The following GPI variants were observed in gnomAD, a reference collection of about 807,000 sequenced individuals.
GPI encodes D-hexose-6-phosphate anomerase.
Under a neutral mutation model 75.8 loss-of-function variants are expected in GPI, and 56 were observed. The ratio of observed to expected loss-of-function variants is 0.74; its 90% confidence interval spans 0.60 to 0.92. GPI has a LOEUF of 0.92. Ranked by LOEUF, GPI falls within the 40% of genes least tolerant of loss-of-function variation. The pLI is 0.00. For synonymous variants in GPI, 288 were observed against 285.4 expected (o/e 1.01, Z -0.09); for missense variants, 638 against 741.0 (o/e 0.86, Z 1.61).
At chr19:34,391,227 A>G (rs1036689175) in intron 9 of GPI, among the ~76,000 whole-genome samples, 2 of 154 alleles carry the variant, frequency 0.013, no homozygotes, top group African/African-American at 0.02. Flanking sequence ...ATCTGTGTCC[A>G]TCAGTATCTG....
chr19:34,368,212 C>T (rs554243802), intron 3 of GPI, among the ~76,000 whole-genome samples: 5 of 152,344 alleles, frequency 3.3e-5, no homozygotes, highest in East Asian at 3.9e-4. Context: ...TGAGCCATGG[C>T]GCCCGGCCTC....
chr19:34,376,377 G>A (rs577291358), intron 4 of GPI, among the ~76,000 whole-genome samples: 3 of 151,864 alleles, frequency 2.0e-5, no homozygotes, highest in South Asian at 2.1e-4. Flanking sequence ...CCAACACGGC[G>A]AAACCCCATC....
intron 4 of GPI, among the ~76,000 whole-genome samples, chr19:34,368,978 C>T (rs2074409315): frequency 6.6e-6 from 1 of 152,108 alleles, no homozygotes; most frequent in Non-Finnish European, 1.5e-5. Context: ...GGTGACAAAC[C>T]ACAGAGGCTT....
chr19:34,401,446 C>T lies in GPI; in HGVS notation c.*1410C>T, dbSNP rs2075021363. On this transcript the variant is annotated 3_prime_UTR_variant, in exon 18 of 18. Transcript: ENST00000356487. Reference sequence around the variant, plus strand: ...CTGTGTTAGTCAGGATGGTCTCGATCTCCTGACCTCGTGATCCGCCCGCCT... The same window carrying T: ...CTGTGTTAGTCAGGATGGTCTCGATTTCCTGACCTCGTGATCCGCCCGCCT... The T allele has an allele frequency of 1.3e-5, 2 of 152,174 alleles. No individual in the cohort carries two copies. The highest frequency in any genetic ancestry group is 6.5e-5 in the Admixed American group (1 of 15,270). The allele number at this position is 152,174 out of a possible 1,614,324, so 9.4% of individuals were successfully genotyped here.
intron 9 of GPI, among the ~76,000 whole-genome samples, chr19:34,385,748 C>T (rs1225228885): frequency 6.6e-6 from 1 of 151,472 alleles, no homozygotes; most frequent in Non-Finnish European, 1.5e-5. Flanking sequence ...CAGGAACCCT[C>T]ATCACATGCA....
Position 34,400,856 on chromosome 19 carries a change from C to G in GPI, c.*820C>G, listed in dbSNP as rs1210513425. ...TCTCCTGCCTCAGCCTCCCGAGTAG[C>G]TGGGATTACACGGCGCACACCACCA... On this transcript the variant is annotated 3_prime_UTR_variant, in exon 18 of 18. Transcript: ENST00000356487. 8.8e-6 allele frequency: 3 copies of G among 341,494 alleles called. No homozygotes were observed. Among genetic ancestry groups the G allele is most frequent in the Non-Finnish European group, 1.6e-5 (3 of 190,712 alleles). 21.2% of individuals were successfully genotyped at this position (341,494 alleles called of 1,614,324 possible).
At position 34,402,250 on chromosome 19, in the gene GPI, T is replaced by G. The variant is rs1423935316; in HGVS notation, c.*2214T>G. 6.6e-6 allele frequency: 1 copy of G among 152,230 alleles called. No homozygotes were observed. The highest frequency in any genetic ancestry group is 1.5e-5 in the Non-Finnish European group (1 of 68,042). The allele number at this position is 152,230 out of a possible 1,614,324, so 9.4% of individuals were successfully genotyped here. A position where few individuals can be genotyped will look rare whatever the true frequency, so the allele number is the denominator to read the frequency against. ...ACAAAGGAGCATTCACTTCAGCCTC[T>G]GACTGGTGGCAGGCCAAGTCTTTAT... On this transcript the variant is annotated 3_prime_UTR_variant, in exon 18 of 18. Coordinates refer to ENST00000356487, the MANE Select transcript of GPI (RefSeq NM_000175.5).
Position 34,401,985 on chromosome 19 carries a change from A to G in GPI, c.*1949A>G, listed in dbSNP as rs1388759022. ...CCACCACACCCGGCTAATTTTTTGT[A>G]TTTTTAGTAGAGACGGGGTTTCACC... On this transcript the variant is annotated 3_prime_UTR_variant, in exon 18 of 18. Coordinates refer to ENST00000356487, the MANE Select transcript of GPI (RefSeq NM_000175.5). The G allele has an allele frequency of 6.6e-6, 1 of 151,146 alleles. No homozygotes were observed. The highest frequency in any genetic ancestry group is 1.5e-5 in the Non-Finnish European group (1 of 67,766). The allele number at this position is 151,146 out of a possible 1,614,324, so 9.4% of individuals were successfully genotyped here.
At chr19:34,378,121 G>A (rs1212496615) in intron 6 of GPI, among the ~76,000 whole-genome samples, 3 of 152,196 alleles carry the variant, frequency 2.0e-5, no homozygotes, top group Admixed American at 6.5e-5. Flanking sequence ...ACACCCGCTC[G>A]CCTTGCGGCA....
chr19:34,377,378 A>T (rs2074562496), intron 4 of GPI, 125 bp from the exon 5 acceptor site: 2 of 551,886 alleles, frequency 3.6e-6, no homozygotes, highest in Non-Finnish European at 6.6e-6. Context: ...AAAACAAAAA[A>T]ATAGAGGCAC....
chr19:34,375,108 A>G (rs1347254438), intron 4 of GPI, among the ~76,000 whole-genome samples: 1 of 151,582 alleles, frequency 6.6e-6, no homozygotes, highest in Non-Finnish European at 1.5e-5. Context: ...ATTGTATAAC[A>G]AATGACATCA....
Position 34,399,978 on chromosome 19 carries a change from C to T in GPI, c.1619C>T (p.Ala540Val). ...AGTGCTCAAGTGACCTCTCACGACG[C>T]TTCTACCAATGGGCTCATCAACTTC... is the stretch of plus-strand genomic sequence containing the variant. ...DGSAQVTSHD[A>V]STNGLINFIK... The change falls in exon 18 of 18, where the codon GCT becomes GTT. Residue 540 changes from alanine (A) to valine (V), a missense_variant. By Grantham distance (64) the Ala-to-Val change is moderately conservative. Transcript: ENST00000356487. 6.2e-7 allele frequency: 1 copy of T among 1,613,934 alleles called. No individual in the cohort carries two copies.
chr19:34,365,249 G>A lies in GPI; in HGVS notation c.-18G>A, dbSNP rs1229378219. ...CTCCTCGGCTCGCGTCTCACTCAGT[G>A]TACCTTCTAGTCCCGCCATGGCCGC... On this transcript the variant is annotated 5_prime_UTR_variant, in exon 1 of 18. Transcript: ENST00000356487. 1 of 1,551,180 alleles carries A rather than the reference G, an allele frequency of 6.4e-7. No homozygotes were observed. Among genetic ancestry groups the A allele is most frequent in the Middle Eastern group, 1.7e-4 (1 of 5,828 alleles).
Position 34,377,502 on chromosome 19 carries a change from GC to G in GPI, c.403del (p.Arg135ValfsTer33). On this transcript the variant is annotated frameshift_variant and splice_region_variant, in exon 5 of 18. Transcript: ENST00000356487. LOFTEE classifies it high-confidence loss of function. ...VLDKMKSFCQ[R>X]VRSGDWKGYT... ...TGATGGCATCTTCGCCCCTGTGCCA[GC>G]GTGTCCGGAGCGGTGACTGGAAGGG... 1 of 1,610,544 alleles carries G rather than the reference GC, an allele frequency of 6.2e-7. No homozygotes were observed. The highest frequency in any genetic ancestry group is 8.5e-7 in the Non-Finnish European group (1 of 1,177,284).
chr19:34,377,336 A>AAAAAAAAT (rs2074558981), intron 4 of GPI, among the ~76,000 whole-genome samples, 167 bp from the exon 5 acceptor site: 4 of 49,322 alleles, frequency 8.1e-5, no homozygotes, highest in African/African-American at 1.2e-4. Flanking sequence ...AAAAAAAAAA[A>AAAAAAAAT]ATATATATAT....
upstream of GPI, among the ~76,000 whole-genome samples, chr19:34,361,551 G>T (rs1380764316): frequency 6.6e-6 from 1 of 152,130 alleles, no homozygotes; most frequent in Non-Finnish European, 1.5e-5. Context: ...GTAGTATGAT[G>T]ATGAATGGCT....
At chr19:34,361,529 G>A (rs1419982111), upstream of GPI, among the ~76,000 whole-genome samples, 1 of 152,188 alleles carries the variant, frequency 6.6e-6, no homozygotes, top group Non-Finnish European at 1.5e-5. Context: ...TAGTGGCCGT[G>A]TTGGTAGTTT....
At chr19:34,392,054 T>C (rs75553356) in intron 9 of GPI, 114 of 986 alleles carry the variant, frequency 0.12, no homozygotes, top group East Asian at 0.17. Context: ...TAGGATCTGG[T>C]ACAGGTGTGA....
intron 1 of GPI, chr19:34,366,121 C>T (rs1385431605): frequency 7.2e-6 from 5 of 695,178 alleles, no homozygotes; most frequent in Non-Finnish European, 1.3e-5. Context: ...CCAGGGTCTG[C>T]CTGCATCTAC....
Sources: gnomAD v4.1 joint callset for allele counts (sites outside exome capture counted in the v4.1 genomes callset) on GRCh38, gnomAD v4.1.1 for gene constraint, MANE v1.5 for transcripts, NCBI Gene and HGNC (gene_info 2026-07-23, HGNC 2026-07-21) for gene names.